LIMCH1: variants seen among roughly 807,000 people sequenced by gnomAD.
The protein encoded by LIMCH1 is LIM and calponin homology domains-containing protein 1.
In LIMCH1, 113 loss-of-function variants were observed where a neutral mutation model predicts 176.5. That is an observed-to-expected ratio of 0.64 (90% CI 0.55 to 0.75). The LOEUF (loss-of-function observed/expected upper bound fraction) is 0.75, where lower values mean the gene tolerates loss of function less well. Ranked by LOEUF, LIMCH1 falls within the 30% of genes least tolerant of loss-of-function variation. The pLI is 0.00. For synonymous variants in LIMCH1, 619 were observed against 645.9 expected (o/e 0.96, Z 0.63); for missense variants, 1,674 against 1,814.9 (o/e 0.92, Z 1.41).
intron 1 of LIMCH1, among the ~76,000 whole-genome samples, chr4:41,393,001 G>T (rs1450564118): frequency 6.6e-6 from 1 of 152,172 alleles, no homozygotes; most frequent in African/African-American, 2.4e-5. Flanking sequence ...CTGCACTCCA[G>T]CCTGGGTGAG....
At chr4:41,415,819 TAAAAAAA>T (rs141274574) in intron 1 of LIMCH1, among the ~76,000 whole-genome samples, 1 of 150,322 alleles carries the variant, frequency 6.7e-6, no homozygotes, top group South Asian at 2.1e-4. Context: ...CTACTAAAAA[TAAAAAAA>T]AATAGCTGGG....
chr4:41,510,059 G>A (rs2074685302), intron 2 of LIMCH1, among the ~76,000 whole-genome samples: 1 of 152,114 alleles, frequency 6.6e-6, no homozygotes, highest in Non-Finnish European at 1.5e-5. Context: ...ACCCAGTAGG[G>A]CATTTACAGA....
chr4:41,616,017 G>A (rs77693373), intron 5 of LIMCH1, among the ~76,000 whole-genome samples: 2,764 of 152,114 alleles, frequency 0.018, 62 homozygotes, highest in East Asian at 0.12. Flanking sequence ...TTCTCCCCCA[G>A]CATTAATAGC....
At chr4:41,382,091 C>T (rs1299570347) in intron 1 of LIMCH1, among the ~76,000 whole-genome samples, 1 of 152,206 alleles carries the variant, frequency 6.6e-6, no homozygotes, top group Non-Finnish European at 1.5e-5. Context: ...TAGTTTCTGA[C>T]CGCAGATACA....
intron 26 of LIMCH1, 44 bp downstream of exon 26, chr4:41,682,504 G>A: frequency 6.3e-7 from 1 of 1,595,494 alleles, no homozygotes; most frequent in Non-Finnish European, 8.5e-7. Flanking sequence ...ACAAAGCTGG[G>A]CTCTGCTCGT....
At chr4:41,597,434 C>T (rs1031683736) in intron 1 of LIMCH1, among the ~76,000 whole-genome samples, 1 of 152,074 alleles carries the variant, frequency 6.6e-6, no homozygotes, top group African/African-American at 2.4e-5. Flanking sequence ...TTATTTTGAG[C>T]CTGGATGTAT....
chr4:41,457,801 T>A (rs753260424), intron 1 of LIMCH1, among the ~76,000 whole-genome samples: 1 of 152,300 alleles, frequency 6.6e-6, no homozygotes, highest in Admixed American at 6.5e-5. Context: ...TTGCAAATCA[T>A]CTGACTGGAG....
At chr4:41,508,078 C>T (rs545468541) in intron 2 of LIMCH1, among the ~76,000 whole-genome samples, 1 of 152,212 alleles carries the variant, frequency 6.6e-6, no homozygotes, top group African/African-American at 2.4e-5. Flanking sequence ...CTGGAACAAG[C>T]TCTGTGTCTT....
intron 1 of LIMCH1, among the ~76,000 whole-genome samples, chr4:41,576,732 TTG>T (rs2084535784): frequency 6.6e-6 from 1 of 152,184 alleles, no homozygotes; most frequent in African/African-American, 2.4e-5. Flanking sequence ...TTAGCCTAAT[TTG>T]AGTGTAGTCT....
At chr4:41,430,319 G>A (rs2061484285) in intron 1 of LIMCH1, among the ~76,000 whole-genome samples, 1 of 152,172 alleles carries the variant, frequency 6.6e-6, no homozygotes, top group African/African-American at 2.4e-5. Flanking sequence ...CTGGAGTGCA[G>A]TGGTGCGATC....
At chr4:41,386,802 TA>T (rs2154107306) in intron 1 of LIMCH1, among the ~76,000 whole-genome samples, 1 of 152,362 alleles carries the variant, frequency 6.6e-6, no homozygotes, top group Non-Finnish European at 1.5e-5. Flanking sequence ...ACAGCCTAGG[TA>T]ACTTATCAGT....
upstream of LIMCH1, among the ~76,000 whole-genome samples, chr4:41,533,629 CT>C (rs1180241237): frequency 1.3e-5 from 2 of 152,126 alleles, no homozygotes; most frequent in Non-Finnish European, 2.9e-5. Flanking sequence ...TAATTCCTGC[CT>C]TTTAGGAGAC....
chr4:41,484,279 C>A (rs769252826), intron 1 of LIMCH1, among the ~76,000 whole-genome samples: 59 of 152,168 alleles, frequency 3.9e-4, no homozygotes, highest in Admixed American at 1.2e-3. Context: ...ACTGTGATTT[C>A]TACAGGGTTG....
At chr4:41,536,411 C>T (rs1312093726), upstream of LIMCH1, among the ~76,000 whole-genome samples, 1 of 152,110 alleles carries the variant, frequency 6.6e-6, no homozygotes, top group African/African-American at 2.4e-5. Context: ...TCAAATGGTA[C>T]AAAAATTAAT....
chr4:41,613,534 C>G lies in LIMCH1; in HGVS notation c.78C>G (p.Ser26=). The G allele has an allele frequency of 6.2e-7, 1 of 1,613,968 alleles. No homozygotes were observed. Among genetic ancestry groups the G allele is most frequent in the South Asian group, 1.1e-5 (1 of 91,054 alleles). ...RDSGYIDCWD[S]ERSDSLSPPR... ...GTGGCTACATCGACTGCTGGGATTC[C>G]GAGCGCAGCGACTCCCTCTCTCCTC... Residue 26 remains serine, a synonymous_variant, in exon 5 of 32, where the codon TCC becomes TCG. Transcript: ENST00000503057.
At chr4:41,446,429 A>G (rs1018419243) in intron 1 of LIMCH1, among the ~76,000 whole-genome samples, 2 of 152,348 alleles carry the variant, frequency 1.3e-5, no homozygotes, top group African/African-American at 4.8e-5. Context: ...ATTCACAAAT[A>G]TACGTAGTTA....
upstream of LIMCH1, chr4:41,360,720 G>A (rs902800749): frequency 1.7e-6 from 1 of 572,286 alleles, no homozygotes; most frequent in Non-Finnish European, 2.7e-6. The surrounding 1 kb of genome is among the most constrained non-coding windows in gnomAD (Gnocchi z 4.5). Flanking sequence ...CGCCGGCCGG[G>A]GGCGGGGAGA....
chr4:41,414,555 C>T (rs768525545), intron 1 of LIMCH1, among the ~76,000 whole-genome samples: 6 of 152,084 alleles, frequency 3.9e-5, no homozygotes, highest in Admixed American at 1.3e-4. Flanking sequence ...TGTCAGATAC[C>T]GGGCGATTGA....
intron 22 of LIMCH1, among the ~76,000 whole-genome samples, chr4:41,672,550 G>T (rs917089208): frequency 6.6e-6 from 1 of 152,050 alleles, no homozygotes; most frequent in Admixed American, 6.6e-5. Context: ...TCTCATTTTT[G>T]CACCCCTTCT....
Sources: allele counts gnomAD v4.1 joint callset (sites outside exome capture counted in the v4.1 genomes callset), GRCh38; gene constraint gnomAD v4.1.1; non-coding constraint Gnocchi (gnomAD v3.1); transcripts MANE v1.5; gene names NCBI Gene and HGNC (gene_info 2026-07-23, HGNC 2026-07-21).